TAF3: variants seen among roughly 807,000 people sequenced by gnomAD.
The protein encoded by TAF3 is TATA-box binding protein associated factor 3.
In TAF3, 7 loss-of-function variants were observed where a neutral mutation model predicts 80.6. The observed-to-expected ratio is 0.09, with a 90% CI of 0.05 to 0.16. The LOEUF (loss-of-function observed/expected upper bound fraction) is 0.16, where lower values mean the gene tolerates loss of function less well. TAF3 is among the 10% of genes least tolerant of loss of function. TAF3 has a pLI of 1.00. For synonymous variants in TAF3, 444 were observed against 446.1 expected (o/e 1.00, Z 0.06); for missense variants, 921 against 1,140.2 (o/e 0.81, Z 2.77).
At chr10:7,890,592 GTTGA>G (rs1161680729) in intron 2 of TAF3, among the ~76,000 whole-genome samples, 1 of 152,218 alleles carries the variant, frequency 6.6e-6, no homozygotes, top group Non-Finnish European at 1.5e-5. Flanking sequence ...TTCTGTGAGT[GTTGA>G]TTGTCTGATT....
intron 4 of TAF3, among the ~76,000 whole-genome samples, chr10:8,002,932 G>A (rs1490577987): frequency 2.0e-5 from 3 of 152,158 alleles, no homozygotes; most frequent in Non-Finnish European, 4.4e-5. Context: ...TCATCAGGAA[G>A]TAGCCTTTAT....
intron 2 of TAF3, among the ~76,000 whole-genome samples, chr10:7,910,921 T>G (rs1837651729): frequency 6.6e-6 from 1 of 152,198 alleles, no homozygotes; most frequent in African/African-American, 2.4e-5. Context: ...TGCAAACAAA[T>G]AGTATCTGAC....
At chr10:7,821,471 A>G (rs1289263735) in intron 1 of TAF3, among the ~76,000 whole-genome samples, 2 of 152,248 alleles carry the variant, frequency 1.3e-5, no homozygotes, top group African/African-American at 4.8e-5. Flanking sequence ...GGTGTGTTCA[A>G]GAGTTCCAGA....
At chr10:7,963,282 G>T (rs1339768372) in intron 2 of TAF3, among the ~76,000 whole-genome samples, 1 of 152,182 alleles carries the variant, frequency 6.6e-6, no homozygotes, top group Non-Finnish European at 1.5e-5. Context: ...GTGCGCACGT[G>T]TGCTTCTATG....
At chr10:7,880,292 A>G (rs931648797) in intron 2 of TAF3, among the ~76,000 whole-genome samples, 3 of 152,230 alleles carry the variant, frequency 2.0e-5, no homozygotes, top group East Asian at 3.8e-4. Context: ...TTTTGGGGAA[A>G]TAACTTTGAT....
intron 4 of TAF3, among the ~76,000 whole-genome samples, chr10:7,983,305 G>A (rs1831744449): frequency 6.6e-6 from 1 of 152,198 alleles, no homozygotes; most frequent in Non-Finnish European, 1.5e-5. Context: ...AAGGAAAGGA[G>A]GGCTCACACC....
intron 3 of TAF3, among the ~76,000 whole-genome samples, chr10:7,969,570 TGGAG>T (rs1831603406): frequency 6.6e-6 from 1 of 152,212 alleles, no homozygotes; most frequent in East Asian, 1.9e-4. Flanking sequence ...AAGTGATTTT[TGGAG>T]GGAGGATCAT....
Position 7,947,291 on chromosome 10 carries a change from C to T in TAF3, c.410-16629C>T, listed in dbSNP as rs3889643. Among the ~76,000 whole-genome samples, 655 of 152,284 alleles carry T rather than the reference C, an allele frequency of 4.3e-3. 4 individuals are homozygous for T. Among genetic ancestry groups the T allele is most frequent in the South Asian group, 0.02 (96 of 4,820 alleles). ...GGCCCCTCCAGCCCCCACCGCAGGCCGGATAGTGCGGTTAAGAGCTTTCCA... is the reference window on the plus strand; with the variant it reads ...GGCCCCTCCAGCCCCCACCGCAGGCTGGATAGTGCGGTTAAGAGCTTTCCA... On this transcript the variant is annotated intron_variant, in intron 2 of 6. Coordinates refer to ENST00000344293, the MANE Select transcript of TAF3 (RefSeq NM_031923.4).
rs76872652 is a variant in TAF3 at position 7,936,536 on chromosome 10, C to G, written c.410-27384C>G. On this transcript the variant is annotated intron_variant, in intron 2 of 6. Coordinates refer to ENST00000344293, the MANE Select transcript of TAF3 (RefSeq NM_031923.4). ...TCTTAATAGACTTTATTATTTAGAG[C>G]AGTTTTGAGTTCCCAGTAAAATTGA... Among the ~76,000 whole-genome samples, 4 of 150,840 alleles carry G rather than the reference C, an allele frequency of 2.7e-5. No individual in the cohort carries two copies. The East Asian group carries it at 7.8e-4, about 29-fold the overall frequency.
intron 4 of TAF3, among the ~76,000 whole-genome samples, chr10:7,993,518 A>G (rs1359730721): frequency 6.6e-6 from 1 of 152,206 alleles, no homozygotes; most frequent in Non-Finnish European, 1.5e-5. Context: ...TTAAGAAACC[A>G]GATCTTTTGT....
intron 2 of TAF3, among the ~76,000 whole-genome samples, chr10:7,879,072 T>C (rs948836423): frequency 6.6e-6 from 1 of 152,202 alleles, no homozygotes; most frequent in Non-Finnish European, 1.5e-5. Context: ...CTCTTTCCAA[T>C]ACAGATATCT....
intron 4 of TAF3, among the ~76,000 whole-genome samples, chr10:8,008,082 TG>T (rs368980284): frequency 1.1e-4 from 16 of 145,550 alleles, no homozygotes; most frequent in African/African-American, 3.8e-4. Context: ...GCAGCCCGTC[TG>T]GGAACAATCT....
chr10:7,966,385 T>G (rs930437831), intron 3 of TAF3, among the ~76,000 whole-genome samples: 4 of 152,210 alleles, frequency 2.6e-5, no homozygotes, highest in Non-Finnish European at 5.9e-5. Context: ...CAGAAATGTT[T>G]GACCATCTCA....
Position 7,841,882 on chromosome 10 carries a change from T to A in TAF3, c.409+17322T>A, listed in dbSNP as rs1363720534. Among the ~76,000 whole-genome samples, 5 of 152,204 alleles carry A rather than the reference T, an allele frequency of 3.3e-5. No individual in the cohort carries two copies. The East Asian group carries it at 5.8e-4, about 18-fold the overall frequency. ...CTCTAACAAAACTTTTTATTTATTT[T>A]TTTTAAATAATCAGGTAGAGCTCAG... On this transcript the variant is annotated intron_variant, in intron 2 of 6. Transcript: ENST00000344293.
chr10:7,867,300 AAG>A (rs771912809), intron 2 of TAF3, among the ~76,000 whole-genome samples: 4 of 152,128 alleles, frequency 2.6e-5, no homozygotes, highest in Admixed American at 6.5e-5. Flanking sequence ...CCACCAAAAA[AAG>A]ATGTGATTTT....
intron 2 of TAF3, among the ~76,000 whole-genome samples, chr10:7,866,332 T>C (rs1165165647): frequency 6.6e-6 from 1 of 152,146 alleles, no homozygotes; most frequent in Non-Finnish European, 1.5e-5. Context: ...AGATGAGAGA[T>C]GAGGCTGAGT....
intron 4 of TAF3, among the ~76,000 whole-genome samples, chr10:8,003,206 TTC>T (rs200659533): frequency 6.6e-6 from 1 of 152,062 alleles, no homozygotes; most frequent in Admixed American, 6.6e-5. Context: ...GTGGTTTTTT[TTC>T]TCTCTCTCTC....
At chr10:7,939,424 C>T (rs187696398) in intron 2 of TAF3, among the ~76,000 whole-genome samples, 8 of 152,144 alleles carry the variant, frequency 5.3e-5, no homozygotes, top group African/African-American at 1.2e-4. Flanking sequence ...CAATGTAGCC[C>T]GCCAGTTAGC....
chr10:7,968,917 A>T (rs1208141889), intron 3 of TAF3, among the ~76,000 whole-genome samples: 1 of 152,204 alleles, frequency 6.6e-6, no homozygotes, highest in Non-Finnish European at 1.5e-5. Context: ...GAGTTGTGCA[A>T]GCTTTTAGTT....
Sources: gnomAD v4.1 joint callset for allele counts (sites outside exome capture counted in the v4.1 genomes callset) on GRCh38, gnomAD v4.1.1 for gene constraint, MANE v1.5 for transcripts, NCBI Gene and HGNC (gene_info 2026-07-23, HGNC 2026-07-21) for gene names.